KCTD16: variants seen among roughly 807,000 people sequenced by gnomAD.
The protein encoded by KCTD16 is BTB/POZ domain-containing protein KCTD16.
A neutral mutation model predicts 33.2 loss-of-function variants in KCTD16; 13 were observed. The ratio of observed to expected loss-of-function variants is 0.39; its 90% CI spans 0.25 to 0.62. The LOEUF (loss-of-function observed/expected upper bound fraction) is 0.62. Ranked by LOEUF, KCTD16 falls within the 20% of genes least tolerant of loss-of-function variation. The pLI is 0.50. For missense variants in KCTD16, 441 were observed against 525.1 expected, an observed-to-expected ratio of 0.84 and a Z score of 1.57; for synonymous variants, 197 against 195.3, an observed-to-expected ratio of 1.01 and a Z score of -0.07.
chr5:144,470,780 A>G (rs1754450799), intron 3 of KCTD16, among the ~76,000 whole-genome samples: 1 of 152,220 alleles, frequency 6.6e-6, no homozygotes, highest in African/African-American at 2.4e-5. Context: ...GGAGGAAATA[A>G]CTGCACCATT....
At chr5:144,425,088 T>G (rs2126964974) in intron 3 of KCTD16, among the ~76,000 whole-genome samples, 1 of 152,192 alleles carries the variant, frequency 6.6e-6, no homozygotes, top group South Asian at 2.1e-4. Flanking sequence ...TGAGGCAAAT[T>G]TATTCCTGCT....
intron 3 of KCTD16, among the ~76,000 whole-genome samples, chr5:144,460,985 C>T (rs968863975): frequency 5.9e-5 from 9 of 152,166 alleles, no homozygotes; most frequent in African/African-American, 1.7e-4. Flanking sequence ...ATGAAAGGAA[C>T]ATAACCTTCA....
chr5:144,445,331 A>G (rs574189058), intron 3 of KCTD16, among the ~76,000 whole-genome samples: 29 of 152,024 alleles, frequency 1.9e-4, no homozygotes, highest in Middle Eastern at 3.4e-3. Context: ...TTGCTCTTCC[A>G]TGTTTTGTAT....
At chr5:144,458,815 A>G (rs1425736246) in intron 3 of KCTD16, among the ~76,000 whole-genome samples, 2 of 152,228 alleles carry the variant, frequency 1.3e-5, no homozygotes, top group Non-Finnish European at 2.9e-5. Context: ...ATGTATTTGC[A>G]GCTATACTTT....
intron 3 of KCTD16, among the ~76,000 whole-genome samples, chr5:144,244,000 C>T (rs1186483205): frequency 1.3e-5 from 2 of 152,122 alleles, no homozygotes; most frequent in African/African-American, 2.4e-5. Flanking sequence ...GCCTCGGCCT[C>T]CCAAAGTGCT....
At chr5:144,432,030 T>A (rs962389458) in intron 3 of KCTD16, among the ~76,000 whole-genome samples, 2 of 152,188 alleles carry the variant, frequency 1.3e-5, no homozygotes, top group African/African-American at 4.8e-5. Context: ...TACTCTATAA[T>A]TCAATAAAAA....
chr5:144,430,897 G>A (rs529190061), intron 3 of KCTD16, among the ~76,000 whole-genome samples: 2 of 152,218 alleles, frequency 1.3e-5, no homozygotes, highest in East Asian at 3.9e-4. Context: ...GTGCTGTGCA[G>A]CTATTTTTTA....
intron 3 of KCTD16, among the ~76,000 whole-genome samples, chr5:144,365,947 T>C (rs1048959011): frequency 6.6e-6 from 1 of 152,240 alleles, no homozygotes; most frequent in Non-Finnish European, 1.5e-5. Context: ...TGCTTGTTTA[T>C]ATAAACATTA....
At chr5:144,278,754 C>T (rs1389227201) in intron 3 of KCTD16, among the ~76,000 whole-genome samples, 1 of 152,080 alleles carries the variant, frequency 6.6e-6, no homozygotes, top group African/African-American at 2.4e-5. Flanking sequence ...GCCTCGGCCT[C>T]CCTAAGTGCT....
intron 3 of KCTD16, among the ~76,000 whole-genome samples, chr5:144,223,196 G>A (rs1195770197): frequency 6.6e-6 from 1 of 152,166 alleles, no homozygotes; most frequent in Non-Finnish European, 1.5e-5. Context: ...TAATGTAAAT[G>A]ACGAGTTAAT....
At chr5:144,371,218 A>G (rs551603448) in intron 3 of KCTD16, among the ~76,000 whole-genome samples, 13 of 152,240 alleles carry the variant, frequency 8.5e-5, no homozygotes, top group Admixed American at 7.2e-4. Context: ...CTAACCTTAT[A>G]TCTATTCTTC....
At chr5:144,284,295 G>A (rs1422964344) in intron 3 of KCTD16, among the ~76,000 whole-genome samples, 5 of 152,150 alleles carry the variant, frequency 3.3e-5, no homozygotes, top group Non-Finnish European at 5.9e-5. Context: ...GGAAATTTGA[G>A]GTCCTGCAGG....
At chr5:144,303,850 G>T (rs375231495) in intron 3 of KCTD16, among the ~76,000 whole-genome samples, 1 of 152,112 alleles carries the variant, frequency 6.6e-6, no homozygotes, top group African/African-American at 2.4e-5. Context: ...GCCATTAGAG[G>T]CCTGGAAAAG....
At chr5:144,378,701 G>A (rs914260861) in intron 3 of KCTD16, among the ~76,000 whole-genome samples, 1 of 152,218 alleles carries the variant, frequency 6.6e-6, no homozygotes, top group African/African-American at 2.4e-5. Context: ...GTCATCAATG[G>A]CAGGTTAACT....
intron 3 of KCTD16, among the ~76,000 whole-genome samples, chr5:144,323,772 A>G (rs575816575): frequency 6.6e-6 from 1 of 152,280 alleles, no homozygotes; most frequent in Admixed American, 6.5e-5. Context: ...TCCAAATACT[A>G]TCAATTTAGT....
chr5:144,359,192 C>G (rs1310438942), intron 3 of KCTD16, among the ~76,000 whole-genome samples: 1 of 152,152 alleles, frequency 6.6e-6, no homozygotes, highest in East Asian at 1.9e-4. Flanking sequence ...CTCTATAGGA[C>G]TGATTATAAA....
chr5:144,207,200 G>A lies in KCTD16; in HGVS notation c.486G>A (p.Lys162=). The A allele has an allele frequency of 6.2e-7, 1 of 1,613,644 alleles. No individual in the cohort carries two copies. The highest frequency in any genetic ancestry group is 8.5e-7 in the Non-Finnish European group (1 of 1,179,770). Residue 162 remains lysine (K), a synonymous_variant, in exon 3 of 4, where the codon AAG becomes AAA. Coordinates refer to ENST00000512467, the MANE Select transcript of KCTD16 (RefSeq NM_020768.4). ...PPSSLLPADR[K]WGFITVGYRG... ...CCTCCCTGCTCCCTGCCGACCGCAA[G>A]TGGGGTTTCATTACTGTGGGTTACA...
intron 3 of KCTD16, among the ~76,000 whole-genome samples, chr5:144,262,040 C>A (rs985158964): frequency 6.6e-6 from 1 of 152,146 alleles, no homozygotes; most frequent in African/African-American, 2.4e-5. Context: ...TCATGTTCCT[C>A]CCTTTCTGAG....
At chr5:144,343,705 T>C (rs1178717259) in intron 3 of KCTD16, among the ~76,000 whole-genome samples, 1 of 152,218 alleles carries the variant, frequency 6.6e-6, no homozygotes. Context: ...CTGCTCTCTC[T>C]TGTTGGCATT....
Sources: gnomAD v4.1 joint callset for allele counts (sites outside exome capture counted in the v4.1 genomes callset) on GRCh38, gnomAD v4.1.1 for gene constraint, MANE v1.5 for transcripts, NCBI Gene and HGNC (gene_info 2026-07-23, HGNC 2026-07-21) for gene names.